The following GRK4 variants were observed in gnomAD, a reference collection of about 807,000 sequenced individuals.
The protein encoded by GRK4 is G protein-coupled receptor kinase 2-like.
Under a neutral mutation model 77.9 loss-of-function variants are expected in GRK4, and 73 were observed. That is an observed-to-expected ratio of 0.94 (90% CI 0.78 to 1.14). GRK4 has a LOEUF of 1.14. Among genes scored for constraint, GRK4 ranks in the 50% most tolerant of loss-of-function variants. The pLI is 0.00. For synonymous variants in GRK4, 257 were observed against 254.4 expected (o/e 1.01, Z -0.10); for missense variants, 729 against 700.2 (o/e 1.04, Z -0.46).
chr4:3,034,904 G>C (rs530144127), intron 12 of GRK4, among the ~76,000 whole-genome samples: 1 of 152,058 alleles, frequency 6.6e-6, no homozygotes, highest in South Asian at 2.1e-4. Context: ...TTTGTGAAGT[G>C]TCATATAATT....
At chr4:2,965,377 C>T (rs1297082453) in intron 1 of GRK4, 3 of 702,942 alleles carry the variant, frequency 4.3e-6, no homozygotes, top group East Asian at 5.4e-5. Context: ...GCGACAGAGC[C>T]TCGGACCTCA....
chr4:2,972,711 C>CTG (rs917126676), intron 1 of GRK4, among the ~76,000 whole-genome samples: 2 of 151,822 alleles, frequency 1.3e-5, no homozygotes, highest in East Asian at 3.9e-4. Flanking sequence ...GTGTGCGCTG[C>CTG]TGTGTGTGTG....
chr4:3,031,195 C>T (rs948699122), intron 12 of GRK4, among the ~76,000 whole-genome samples: 2 of 152,026 alleles, frequency 1.3e-5, no homozygotes, highest in South Asian at 2.1e-4. Context: ...CTCCAGTGAC[C>T]GGAGAGGAGG....
At chr4:3,031,949 T>C (rs1317915189) in intron 12 of GRK4, among the ~76,000 whole-genome samples, 1 of 152,156 alleles carries the variant, frequency 6.6e-6, no homozygotes, top group Non-Finnish European at 1.5e-5. Flanking sequence ...GATGTCCTTT[T>C]CATGTGTTTC....
At chr4:2,974,902 G>T (rs745423683) in intron 1 of GRK4, among the ~76,000 whole-genome samples, 1 of 152,214 alleles carries the variant, frequency 6.6e-6, no homozygotes, top group Non-Finnish European at 1.5e-5. Flanking sequence ...ATGGGAGTGC[G>T]TCTTGAGTTG....
intron 12 of GRK4, among the ~76,000 whole-genome samples, chr4:3,031,031 C>T (rs953305799): frequency 6.6e-6 from 1 of 152,046 alleles, no homozygotes; most frequent in African/African-American, 2.4e-5. Flanking sequence ...GGCAGATGAC[C>T]GCTGTCAGAT....
intron 9 of GRK4, 97 bp from the exon 10 acceptor site, chr4:3,022,317 C>A: frequency 8.4e-7 from 1 of 1,190,110 alleles, no homozygotes; most frequent in Non-Finnish European, 1.2e-6. Flanking sequence ...TGTTTTGCCG[C>A]GCTAGCCCTT....
At chr4:3,013,606 T>C in intron 7 of GRK4, 82 bp from the exon 8 acceptor site, 1 of 1,484,376 alleles carries the variant, frequency 6.7e-7, no homozygotes, top group Non-Finnish European at 9.1e-7. Context: ...AGTGAGGGTC[T>C]CATCAAGCAA....
intron 13 of GRK4, among the ~76,000 whole-genome samples, chr4:3,036,269 AG>A (rs1376964028): frequency 6.6e-6 from 1 of 152,156 alleles, no homozygotes; most frequent in Non-Finnish European, 1.5e-5. Flanking sequence ...CCCCGTACTG[AG>A]GACCCTGAAG....
chr4:2,963,611 A>G lies in GRK4; in HGVS notation c.-460A>G, dbSNP rs1399421891. 2.4e-6 allele frequency: 1 copy of G among 424,708 alleles called. No homozygotes were observed. Among genetic ancestry groups the G allele is most frequent in the South Asian group, 4.6e-5 (1 of 21,648 alleles). 26.3% of individuals were successfully genotyped at this position (424,708 alleles called of 1,614,324 possible). Reference sequence around the variant, plus strand: ...CGGCGGCGAGGGGCGCTCCCTCTTCAGCTAAGCCGTTAGCGCCGAGCCCGC... The same window carrying G: ...CGGCGGCGAGGGGCGCTCCCTCTTCGGCTAAGCCGTTAGCGCCGAGCCCGC... On this transcript the variant is annotated 5_prime_UTR_variant, in exon 1 of 16. Coordinates refer to ENST00000398052, the MANE Select transcript of GRK4 (RefSeq NM_182982.3).
intron 7 of GRK4, 27 bp downstream of exon 7, chr4:3,009,738 A>AG: frequency 6.3e-7 from 1 of 1,578,122 alleles, no homozygotes; most frequent in Non-Finnish European, 8.7e-7. Context: ...AGTTCATAGC[A>AG]GCGCTGCTAG....
At chr4:2,970,078 TAGTC>T (rs1440288809) in intron 1 of GRK4, among the ~76,000 whole-genome samples, 5 of 152,222 alleles carry the variant, frequency 3.3e-5, no homozygotes, top group Non-Finnish European at 7.3e-5. Context: ...ATCTATGTAG[TAGTC>T]AGCCAAATTA....
intron 1 of GRK4, among the ~76,000 whole-genome samples, chr4:2,981,905 G>T (rs1722980680): frequency 6.6e-6 from 1 of 152,256 alleles, no homozygotes. Context: ...ATGCTCATTG[G>T]TGTCCAAAGT....
chr4:3,021,523 A>G (rs1473411841), intron 9 of GRK4, among the ~76,000 whole-genome samples: 2 of 152,060 alleles, frequency 1.3e-5, no homozygotes, highest in Admixed American at 6.5e-5. Context: ...AATATCTCTT[A>G]AGGACCAGAG....
At chr4:3,020,964 T>C (rs1450522305) in intron 9 of GRK4, among the ~76,000 whole-genome samples, 1 of 152,190 alleles carries the variant, frequency 6.6e-6, no homozygotes, top group East Asian at 1.9e-4. Flanking sequence ...TTTAAAGTAA[T>C]TGGGAGGATG....
intron 4 of GRK4, among the ~76,000 whole-genome samples, chr4:2,999,711 C>T (rs1028100951): frequency 6.6e-5 from 10 of 152,072 alleles, no homozygotes; most frequent in African/African-American, 2.4e-4. Flanking sequence ...CTCTTCAATA[C>T]CTTGAAATTA....
chr4:2,965,484 G>A lies in GRK4; in HGVS notation c.52+1362G>A, dbSNP rs186640967. ...CTTGCGTGATGGAGCAGCTCTGCTCGGACTGTGCTCCAGGACAGTGTAAAT... is the reference window on the plus strand; with the variant it reads ...CTTGCGTGATGGAGCAGCTCTGCTCAGACTGTGCTCCAGGACAGTGTAAAT... On this transcript the variant is annotated intron_variant, in intron 1 of 15. Transcript: ENST00000398052. The A allele has an allele frequency of 9.2e-5, 65 of 702,868 alleles. No homozygotes were observed. In the East Asian group the frequency reaches 1.1e-3, roughly 12 times the overall value. The allele number at this position is 702,868 out of a possible 1,614,324, so 43.5% of individuals were successfully genotyped here. A position where few individuals can be genotyped will look rare whatever the true frequency, so the allele number is the denominator to read the frequency against.
chr4:2,972,819 C>T (rs1311436815), intron 1 of GRK4, among the ~76,000 whole-genome samples: 1 of 152,272 alleles, frequency 6.6e-6, no homozygotes, highest in East Asian at 1.9e-4. Flanking sequence ...TCTGCAGTCT[C>T]CACCTCCCGG....
rs552075208 is a variant in GRK4, at chr4:2,976,635, T to C, written c.53-7878T>C. Among the ~76,000 whole-genome samples, 238 of 147,984 alleles carry C rather than the reference T, an allele frequency of 1.6e-3. 3 individuals carry two copies. In the East Asian group the frequency reaches 0.026, roughly 16 times the overall value. ...AAGCTTGAATTTTCTTTCTTTCTTT[T>C]TTTTTTTTTTTTTTTTTGGTTTGAT... is the stretch of plus-strand genomic sequence containing the variant. On this transcript the variant is annotated intron_variant, in intron 1 of 15. Transcript: ENST00000398052.
Sources: gnomAD v4.1 joint callset for allele counts (sites outside exome capture counted in the v4.1 genomes callset) on GRCh38, gnomAD v4.1.1 for gene constraint, MANE v1.5 for transcripts, NCBI Gene and HGNC (gene_info 2026-07-23, HGNC 2026-07-21) for gene names.